Variants in ANO3 observed in about 807,000 individuals in gnomAD.
The protein encoded by ANO3 is anoctamin 3.
In ANO3, 99 loss-of-function variants were observed where a neutral mutation model predicts 144.8. The ratio of observed to expected loss-of-function variants is 0.68; its 90% CI spans 0.58 to 0.81. The LOEUF (loss-of-function observed/expected upper bound fraction) is 0.81, where lower values mean the gene tolerates loss of function less well. Among genes scored for constraint, ANO3 ranks in the 30% least tolerant of loss-of-function variants. ANO3 has a pLI of 0.00. For synonymous variants in ANO3, 414 were observed against 392.6 expected (o/e 1.05, Z -0.64); for missense variants, 905 against 1,202.2 (o/e 0.75, Z 3.66).
At chr11:26,495,477 A>G (rs1026796678) in intron 4 of ANO3, among the ~76,000 whole-genome samples, 1 of 152,124 alleles carries the variant, frequency 6.6e-6, no homozygotes, top group African/African-American at 2.4e-5. Context: ...AAAAATAGGC[A>G]TGAATATTTT....
intron 1 of ANO3, among the ~76,000 whole-genome samples, chr11:26,403,553 G>A (rs1482290652): frequency 2.6e-5 from 4 of 151,816 alleles, no homozygotes; most frequent in Admixed American, 6.6e-5. Flanking sequence ...GGACTACTTC[G>A]GTAGCACCTT....
intron 1 of ANO3, among the ~76,000 whole-genome samples, chr11:26,302,252 T>C (rs1431465101): frequency 1.3e-5 from 2 of 152,192 alleles, no homozygotes; most frequent in Non-Finnish European, 2.9e-5. Flanking sequence ...ATCCCAGCAC[T>C]TTGGGAGGCC....
intron 6 of ANO3, among the ~76,000 whole-genome samples, chr11:26,520,447 T>C (rs768358670): frequency 5.3e-5 from 8 of 152,184 alleles, no homozygotes; most frequent in Non-Finnish European, 1.2e-4. Flanking sequence ...GTTTCTTCTT[T>C]ATAATGTTTT....
intron 14 of ANO3, among the ~76,000 whole-genome samples, chr11:26,563,974 C>CT (rs1850409505): frequency 6.6e-6 from 1 of 151,540 alleles, no homozygotes; most frequent in African/African-American, 2.4e-5. Flanking sequence ...TTTTTCTTCT[C>CT]TTTTTTTGAA....
chr11:26,224,968 A>G (rs1852228085), intron 1 of ANO3, among the ~76,000 whole-genome samples: 1 of 152,126 alleles, frequency 6.6e-6, no homozygotes, highest in African/African-American at 2.4e-5. Flanking sequence ...TGTTTATTGC[A>G]TTATTATTAT....
intron 14 of ANO3, 46 bp downstream of exon 14, chr11:26,559,825 G>T (rs1173121605): frequency 1.7e-6 from 2 of 1,174,656 alleles, no homozygotes; most frequent in Admixed American, 3.6e-5. Flanking sequence ...TTCTGAAGCT[G>T]TTTCTGTGTT....
At chr11:26,365,339 TG>T (rs1330396049) in intron 1 of ANO3, among the ~76,000 whole-genome samples, 2 of 152,226 alleles carry the variant, frequency 1.3e-5, no homozygotes, top group African/African-American at 4.8e-5. Context: ...AAGCTGCCAG[TG>T]AATCTACCAT....
chr11:26,495,623 CCTT>C (rs1264704330), intron 4 of ANO3, among the ~76,000 whole-genome samples: 3 of 152,220 alleles, frequency 2.0e-5, no homozygotes, highest in African/African-American at 7.2e-5. Context: ...GTTTGATAAT[CCTT>C]CTTCCTCTTC....
chr11:26,360,186 C>CT (rs1197560176), intron 1 of ANO3, among the ~76,000 whole-genome samples: 1 of 115,508 alleles, frequency 8.7e-6, no homozygotes, highest in African/African-American at 3.2e-5. Context: ...CCCCCCCGCC[C>CT]TTTTTTTTTC....
At chr11:26,629,307 T>G (rs1224989598) in intron 18 of ANO3, among the ~76,000 whole-genome samples, 1 of 152,172 alleles carries the variant, frequency 6.6e-6, no homozygotes, top group Non-Finnish European at 1.5e-5. Flanking sequence ...CTCGCCTCTG[T>G]GAAACCTTTG....
At chr11:26,586,527 A>C (rs1189122589) in intron 14 of ANO3, among the ~76,000 whole-genome samples, 1 of 26,254 alleles carries the variant, frequency 3.8e-5, no homozygotes, top group East Asian at 1.2e-3. Context: ...TTTTTGAGAC[A>C]TAGTCTCATT....
intron 7 of ANO3, among the ~76,000 whole-genome samples, chr11:26,527,952 A>G (rs1364949493): frequency 2.0e-5 from 3 of 152,144 alleles, no homozygotes; most frequent in Non-Finnish European, 4.4e-5. Flanking sequence ...TGCTTCAGTC[A>G]AGTTCCTTTG....
At chr11:26,632,473 G>T (rs981547551) in intron 18 of ANO3, among the ~76,000 whole-genome samples, 1 of 147,854 alleles carries the variant, frequency 6.8e-6, no homozygotes, top group Non-Finnish European at 1.5e-5. Context: ...CCGAGATTGT[G>T]CCATTGTAGT....
intron 1 of ANO3, among the ~76,000 whole-genome samples, chr11:26,400,064 C>T (rs1004669243): frequency 1.3e-5 from 2 of 152,026 alleles, no homozygotes. Context: ...GTGGTAAGGT[C>T]TAGGTACCCA....
chr11:26,634,440 A>G, intron 19 of ANO3, 125 bp downstream of exon 19: 2 of 614,410 alleles, frequency 3.3e-6, no homozygotes, highest in Non-Finnish European at 5.7e-6. Context: ...GGCACAAAAA[A>G]ATAAAACCTA....
intron 1 of ANO3, among the ~76,000 whole-genome samples, chr11:26,434,770 T>A (rs1858236366): frequency 6.6e-6 from 1 of 152,228 alleles, no homozygotes; most frequent in African/African-American, 2.4e-5. Context: ...TTATTTTTAT[T>A]GTGCTGTGAC....
At chr11:26,563,225 AC>A in intron 14 of ANO3, 1 of 1,611,390 alleles carries the variant, frequency 6.2e-7, no homozygotes, top group East Asian at 2.2e-5. Context: ...CCAGAATAGC[AC>A]CTAAAATGGC....
At chr11:26,647,909 A>G in intron 24 of ANO3, 53 bp downstream of exon 24, 1 of 1,530,296 alleles carries the variant, frequency 6.5e-7, no homozygotes, top group East Asian at 2.3e-5. Flanking sequence ...TGTAATTAAA[A>G]TAGGATCTTA....
At chr11:26,415,749 G>A (rs1380228998) in intron 1 of ANO3, among the ~76,000 whole-genome samples, 1 of 152,084 alleles carries the variant, frequency 6.6e-6, no homozygotes, top group Admixed American at 6.6e-5. Context: ...CCAGGCACAT[G>A]TTCTCTTTTC....
Sources: allele counts gnomAD v4.1 joint callset (sites outside exome capture counted in the v4.1 genomes callset), GRCh38; gene constraint gnomAD v4.1.1; transcripts MANE v1.5; gene names NCBI Gene and HGNC (gene_info 2026-07-23, HGNC 2026-07-21).